Variants in OTUD3 observed in about 807,000 individuals in gnomAD.
The protein encoded by OTUD3 is OTU domain-containing protein 3.
Under a neutral mutation model 46.2 loss-of-function variants are expected in OTUD3, and 24 were observed. That is an observed-to-expected ratio of 0.52 (90% confidence interval 0.38 to 0.73). OTUD3 has a LOEUF of 0.73. Ranked by LOEUF, OTUD3 falls within the 30% of genes least tolerant of loss-of-function variation. The probability of loss-of-function intolerance (pLI) is 0.00; values close to 1 mark genes in which losing one functional copy is unlikely to be tolerated. For missense variants in OTUD3, 455 were observed against 523.3 expected (o/e 0.87, Z 1.27); for synonymous variants, 189 against 195.4 (o/e 0.97, Z 0.27).
rs1240523959 is a variant in OTUD3 at position 19,908,843 on chromosome 1, T to C, written c.*1097T>C. Reference sequence around the variant, plus strand: ...TAAGCCCTGTTTGGCATTTCAAAGTTGGGAAAACTCCAGCATCTGCTGGAA... The same window carrying C: ...TAAGCCCTGTTTGGCATTTCAAAGTCGGGAAAACTCCAGCATCTGCTGGAA... On this transcript the variant is annotated 3_prime_UTR_variant, in exon 8 of 8. Transcript: ENST00000375120. The C allele has an allele frequency of 6.6e-6, 1 of 152,348 alleles. No individual in the cohort carries two copies. Among genetic ancestry groups the C allele is most frequent in the Non-Finnish European group, 1.5e-5 (1 of 68,038 alleles). 9.4% of individuals were successfully genotyped at this position (152,348 alleles called of 1,614,324 possible).
chr1:19,886,281 C>T (rs1266475499), intron 1 of OTUD3, among the ~76,000 whole-genome samples: 2 of 152,142 alleles, frequency 1.3e-5, no homozygotes, highest in African/African-American at 2.4e-5. Context: ...TTCTGAGTTA[C>T]ATTACTCATT....
At chr1:19,905,031 T>C in intron 6 of OTUD3, 44 bp downstream of exon 6, 1 of 1,040,686 alleles carries the variant, frequency 9.6e-7, no homozygotes, top group Non-Finnish European at 1.5e-6. Flanking sequence ...AATGGTTGTG[T>C]TGGTAATTTT....
chr1:19,889,862 A>G (rs1314761858), intron 1 of OTUD3, among the ~76,000 whole-genome samples: 1 of 152,202 alleles, frequency 6.6e-6, no homozygotes, highest in African/African-American at 2.4e-5. Context: ...TTAGGACTCA[A>G]ACAGAGTATT....
chr1:19,887,994 T>C (rs1246070038), intron 1 of OTUD3, among the ~76,000 whole-genome samples: 1 of 152,224 alleles, frequency 6.6e-6, no homozygotes, highest in African/African-American at 2.4e-5. Context: ...CTTTATGTAA[T>C]TGGTTGTTTT....
In OTUD3 at chr1:19,892,260, G is replaced by A. The variant is rs186767353; in HGVS notation, c.370+1727G>A. Among the ~76,000 whole-genome samples, 130 of 152,288 alleles carry A rather than the reference G, an allele frequency of 8.5e-4. 2 individuals are homozygous for A. The highest frequency in any genetic ancestry group is 2.1e-3 in the Admixed American group (32 of 15,302). On this transcript the variant is annotated intron_variant, in intron 2 of 7. Transcript: ENST00000375120. ...CCAGAGCAGAAATGAAAAGAAACCT[G>A]GAAGTCTGCACATTCTCTTTGTGTG...
chr1:19,902,231 G>A (rs1214880561), intron 4 of OTUD3, among the ~76,000 whole-genome samples: 1 of 152,116 alleles, frequency 6.6e-6, no homozygotes. Flanking sequence ...TCGAGACGGA[G>A]TCTTGCTCTG....
At chr1:19,887,148 G>A (rs1259143620) in intron 1 of OTUD3, among the ~76,000 whole-genome samples, 1 of 148,454 alleles carries the variant, frequency 6.7e-6, no homozygotes, top group African/African-American at 2.5e-5. Flanking sequence ...GCAATGGCAC[G>A]ATCTTGGCTC....
chr1:19,891,894 T>C (rs897327834), intron 2 of OTUD3, among the ~76,000 whole-genome samples: 1 of 152,254 alleles, frequency 6.6e-6, no homozygotes, highest in Non-Finnish European at 1.5e-5. Context: ...GTTTACTGGA[T>C]AGTCAGCAGT....
intron 4 of OTUD3, among the ~76,000 whole-genome samples, chr1:19,900,844 T>TA (rs996111868): frequency 6.5e-4 from 98 of 150,984 alleles, no homozygotes; most frequent in African/African-American, 2.0e-3. Context: ...TTGTCTTTTT[T>TA]AAAAAAAACA....
chr1:19,895,152 T>G (rs981763220), intron 3 of OTUD3, among the ~76,000 whole-genome samples: 1 of 152,200 alleles, frequency 6.6e-6, no homozygotes, highest in Non-Finnish European at 1.5e-5. Context: ...TGTATCCATA[T>G]CCACATATAT....
At chr1:19,889,772 G>A (rs977559530) in intron 1 of OTUD3, among the ~76,000 whole-genome samples, 2 of 152,202 alleles carry the variant, frequency 1.3e-5, no homozygotes, top group Non-Finnish European at 2.9e-5. Context: ...AAGTGAGGAG[G>A]CAAGGAGGAA....
chr1:19,906,065 A>G (rs2045657415), intron 6 of OTUD3, among the ~76,000 whole-genome samples: 1 of 152,238 alleles, frequency 6.6e-6, no homozygotes, highest in Non-Finnish European at 1.5e-5. Context: ...AAATGGCCAC[A>G]TATAGCTGGT....
At position 19,908,251 on chromosome 1, in the gene OTUD3, C is replaced by G. The variant is rs2045689980; in HGVS notation, c.*505C>G. 6.6e-6 allele frequency: 1 copy of G among 152,404 alleles called. No individual in the cohort carries two copies. Among genetic ancestry groups the G allele is most frequent in the Non-Finnish European group, 1.5e-5 (1 of 68,082 alleles). The allele number at this position is 152,404 out of a possible 1,614,324, so 9.4% of individuals were successfully genotyped here. On this transcript the variant is annotated 3_prime_UTR_variant, in exon 8 of 8. Transcript: ENST00000375120. ...CTCAGGAATATGCTTTGATTTACTT[C>G]TAATCCAAGTTACTCAGAAAATAAT...
At chr1:19,896,917 T>C (rs1420634601) in intron 3 of OTUD3, among the ~76,000 whole-genome samples, 1 of 152,182 alleles carries the variant, frequency 6.6e-6, no homozygotes, top group African/African-American at 2.4e-5. Flanking sequence ...CGTACTACTT[T>C]ATGTAATTTT....
Position 19,907,904 on chromosome 1 carries a change from T to A in OTUD3, c.*158T>A, listed in dbSNP as rs139726765. 4.4e-4 allele frequency: 256 copies of A among 581,070 alleles called. 2 individuals carry two copies. The East Asian group carries it at 7.2e-3, about 16-fold the overall frequency. The allele number at this position is 581,070 out of a possible 1,614,324, so 36.0% of individuals were successfully genotyped here. On this transcript the variant is annotated 3_prime_UTR_variant, in exon 8 of 8. Coordinates refer to ENST00000375120, the MANE Select transcript of OTUD3 (RefSeq NM_015207.2). Reference sequence around the variant, plus strand: ...TAGTTTCGTTCAAGCTGCCTCTTTTTTTGTTCGAAGTTTTATTAGTGATAT... The same window carrying A: ...TAGTTTCGTTCAAGCTGCCTCTTTTATTGTTCGAAGTTTTATTAGTGATAT...
chr1:19,905,866 T>C (rs2045653294), intron 6 of OTUD3, among the ~76,000 whole-genome samples: 2 of 152,252 alleles, frequency 1.3e-5, no homozygotes, highest in South Asian at 4.1e-4. Context: ...TAGTGCTCCA[T>C]GTGATGAGGT....
chr1:19,894,355 T>G lies in OTUD3; in HGVS notation c.371-13T>G. Reference sequence around the variant, plus strand: ...CTATAAAGACGTCATTTTTCTTTCCTATTTCCATGCAGTGGCCAGTTTGGC... The same window carrying G: ...CTATAAAGACGTCATTTTTCTTTCCGATTTCCATGCAGTGGCCAGTTTGGC... On this transcript the variant is annotated splice_polypyrimidine_tract_variant and intron_variant, in intron 2 of 7. Transcript: ENST00000375120. The G allele has an allele frequency of 6.6e-7, 1 of 1,513,274 alleles. No homozygotes were observed. The highest frequency in any genetic ancestry group is 9.1e-7 in the Non-Finnish European group (1 of 1,103,196). The allele number at this position is 1,513,274 out of a possible 1,614,324, so 93.7% of individuals were successfully genotyped here. A position where few individuals can be genotyped will look rare whatever the true frequency, so the allele number is the denominator to read the frequency against.
Position 19,890,508 on chromosome 1 carries a change from A to G in OTUD3, c.345A>G (p.Glu115=). Residue 115 remains glutamate, a synonymous_variant, in exon 2 of 8, where the codon GAA becomes GAG. Coordinates refer to ENST00000375120, the MANE Select transcript of OTUD3 (RefSeq NM_015207.2). The stretch of plus-strand genomic sequence containing the variant: ...GGGAAGATTTTGAACCCTTTGTAGA[A>G]GATGACATTCCTTTTGAGAAGCATG... ...KQREDFEPFV[E]DDIPFEKHVA... 4 of 1,613,940 alleles carry G rather than the reference A, an allele frequency of 2.5e-6. No individual in the cohort carries two copies. The highest frequency in any genetic ancestry group is 3.4e-6 in the Non-Finnish European group (4 of 1,179,818).
rs560387600 is a variant in OTUD3 at position 19,893,085 on chromosome 1, G to A, written c.371-1283G>A. Among the ~76,000 whole-genome samples, 4 of 152,136 alleles carry A rather than the reference G, an allele frequency of 2.6e-5. No individual in the cohort carries two copies. The South Asian group carries it at 6.2e-4, about 24-fold the overall frequency. On this transcript the variant is annotated intron_variant, in intron 2 of 7. Coordinates refer to ENST00000375120, the MANE Select transcript of OTUD3 (RefSeq NM_015207.2). ...GTCTTAACTCTTCCTTGTCCTTTGG[G>A]TATTAGCTTAGTTGTCTCAGTTGAG...
Sources: allele counts gnomAD v4.1 joint callset (sites outside exome capture counted in the v4.1 genomes callset), GRCh38; gene constraint gnomAD v4.1.1; transcripts MANE v1.5; gene names NCBI Gene and HGNC (gene_info 2026-07-23, HGNC 2026-07-21).